Variants in NUP98 observed in about 807,000 individuals in gnomAD.
NUP98 encodes nucleoporin 98 and 96 precursor.
In NUP98, 26 loss-of-function variants were observed where a neutral mutation model predicts 191.9. The ratio of observed to expected loss-of-function variants is 0.14; its 90% CI spans 0.10 to 0.19. The LOEUF is 0.19. Ranked by LOEUF, NUP98 falls within the 10% of genes least tolerant of loss-of-function variation. NUP98 has a pLI of 1.00. For synonymous variants in NUP98, 808 were observed against 778.4 expected, an observed-to-expected ratio of 1.04 and a Z score of -0.63; for missense variants, 1,941 against 2,178.8, an observed-to-expected ratio of 0.89 and a Z score of 2.17.
chr11:3,687,225 T>A (rs1429695239), intron 28 of NUP98, among the ~76,000 whole-genome samples: 1 of 152,176 alleles, frequency 6.6e-6, no homozygotes, highest in Non-Finnish European at 1.5e-5. Context: ...TGACGCACCA[T>A]ACCTGGCCTG....
intron 28 of NUP98, among the ~76,000 whole-genome samples, chr11:3,688,228 C>G (rs1243533699): frequency 6.6e-6 from 1 of 151,588 alleles, no homozygotes; most frequent in Non-Finnish European, 1.5e-5. Flanking sequence ...CATGGTGAAA[C>G]CATGGTGAAA....
chr11:3,705,113 G>C (rs1038195468), intron 22 of NUP98, 87 bp downstream of exon 22: 6 of 1,270,482 alleles, frequency 4.7e-6, no homozygotes, highest in Non-Finnish European at 6.8e-6. Context: ...TGCTAGAGAA[G>C]TCCACTTGGG....
chr11:3,757,754 G>A (rs1449468314), intron 10 of NUP98, among the ~76,000 whole-genome samples: 4 of 151,524 alleles, frequency 2.6e-5, no homozygotes, highest in Admixed American at 6.6e-5. Flanking sequence ...AGCTGAAATC[G>A]CGCCACTGTA....
At chr11:3,709,508 G>T (rs1315264703) in intron 20 of NUP98, among the ~76,000 whole-genome samples, 2 of 151,952 alleles carry the variant, frequency 1.3e-5, no homozygotes, top group East Asian at 3.9e-4. Context: ...TCTGAGACCA[G>T]CCTGGGCAAC....
chr11:3,728,956 G>C (rs1428210463), intron 14 of NUP98, among the ~76,000 whole-genome samples: 1 of 152,142 alleles, frequency 6.6e-6, no homozygotes, highest in Non-Finnish European at 1.5e-5. Flanking sequence ...CAAAATTTCT[G>C]ACCGGAGCAA....
intron 11 of NUP98, among the ~76,000 whole-genome samples, chr11:3,746,269 CAAAAAAAAA>C (rs66773761): frequency 2.9e-5 from 1 of 33,926 alleles, no homozygotes; most frequent in Non-Finnish European, 5.4e-5. Flanking sequence ...AACTTTATCT[CAAAAAAAAA>C]AAAAAAAAAA....
At chr11:3,772,978 AAAAC>A (rs1359537521) in intron 6 of NUP98, among the ~76,000 whole-genome samples, 8 of 152,216 alleles carry the variant, frequency 5.3e-5, no homozygotes, top group East Asian at 1.9e-4. Context: ...TGCTGTCTCA[AAAAC>A]AAACAAACAA....
Position 3,695,518 on chromosome 11 carries a change from A to T in NUP98, c.4098T>A (p.His1366Gln). 1 of 1,611,676 alleles carries T rather than the reference A, an allele frequency of 6.2e-7. No individual in the cohort carries two copies. The highest frequency in any genetic ancestry group is 1.3e-5 in the African/African-American group (1 of 74,940). ...ELLTMQLVDWHQLQADSFIQD... is the reference protein window; with the variant it reads ...ELLTMQLVDWQQLQADSFIQD... ...GGATGAAGGAGTCTGCTTGGAGCTG[A>T]TGCCAGTCCACCAACTGCATGGTGA... is the stretch of plus-strand genomic sequence containing the variant. Residue 1366 changes from histidine to glutamine, a missense_variant, in exon 26 of 33, where the codon CAT becomes CAA. Transcript: ENST00000324932.
chr11:3,723,553 T>C (rs527474942), intron 15 of NUP98, 98 bp from the exon 16 acceptor site: 18 of 904,426 alleles, frequency 2.0e-5, no homozygotes, highest in Non-Finnish European at 3.0e-5. Flanking sequence ...CCTGGCACTG[T>C]TCTGGATAGT....
At chr11:3,769,050 C>T (rs939177221) in intron 7 of NUP98, among the ~76,000 whole-genome samples, 4 of 152,158 alleles carry the variant, frequency 2.6e-5, no homozygotes, top group African/African-American at 7.2e-5. Context: ...GTATTTTAAC[C>T]TTGCTAGTCT....
intron 2 of NUP98, among the ~76,000 whole-genome samples, chr11:3,779,903 G>T (rs1028124332): frequency 2.6e-5 from 4 of 151,180 alleles, no homozygotes; most frequent in African/African-American, 9.7e-5. Flanking sequence ...CGAGGTGGGC[G>T]AATCATTTGA....
intron 25 of NUP98, chr11:3,697,010 T>G (rs190954015): frequency 6.6e-6 from 1 of 152,150 alleles, no homozygotes; most frequent in Non-Finnish European, 1.5e-5. Context: ...CTACTACATG[T>G]TGGTGTCCTG....
chr11:3,711,693 G>T, intron 20 of NUP98: 1 of 256,960 alleles, frequency 3.9e-6, no homozygotes, highest in Non-Finnish European at 6.5e-6. Flanking sequence ...CATTTCATTT[G>T]TCAATGGAGA....
chr11:3,709,448 T>C (rs2078966062), intron 20 of NUP98, among the ~76,000 whole-genome samples: 1 of 152,060 alleles, frequency 6.6e-6, no homozygotes, highest in African/African-American at 2.4e-5. Flanking sequence ...TCCTGGCCTA[T>C]AATCCCAGCA....
intron 18 of NUP98, among the ~76,000 whole-genome samples, chr11:3,716,641 G>C (rs200866785): frequency 3.9e-5 from 6 of 152,084 alleles, no homozygotes; most frequent in Non-Finnish European, 2.9e-5. Flanking sequence ...CCTGGGGGCA[G>C]AGGTTGCAGA....
chr11:3,682,233 G>A (rs916199504), intron 30 of NUP98, among the ~76,000 whole-genome samples: 1 of 152,232 alleles, frequency 6.6e-6, no homozygotes, highest in Non-Finnish European at 1.5e-5. Context: ...CAGCCAGAAA[G>A]CTGTTTCACT....
At chr11:3,707,766 GA>G (rs2078907440) in intron 20 of NUP98, among the ~76,000 whole-genome samples, 1 of 63,600 alleles carries the variant, frequency 1.6e-5, no homozygotes, top group Non-Finnish European at 3.1e-5. Context: ...CCTGAAGGAG[GA>G]AAAAGCCCTG....
At chr11:3,788,228 A>AT (rs1204314287) in intron 1 of NUP98, among the ~76,000 whole-genome samples, 2 of 152,116 alleles carry the variant, frequency 1.3e-5, no homozygotes, top group Non-Finnish European at 2.9e-5. Flanking sequence ...ACTGAGCAGC[A>AT]TTTTTTTCAT....
intron 23 of NUP98, among the ~76,000 whole-genome samples, 138 bp downstream of exon 23, chr11:3,702,299 ACACACACACACACACTCTCTCTCTCT>A (rs1392673331): frequency 1.7e-5 from 1 of 58,032 alleles, no homozygotes; most frequent in East Asian, 5.8e-4. Context: ...ACACACACAC[ACACACACACACACACTCTCTCTCTCT>A]CTCTCTCTCT....
Sources: allele counts gnomAD v4.1 joint callset (sites outside exome capture counted in the v4.1 genomes callset), GRCh38; gene constraint gnomAD v4.1.1; transcripts MANE v1.5; gene names NCBI Gene and HGNC (gene_info 2026-07-23, HGNC 2026-07-21).